Variants in ADAMTS17 observed in about 807,000 individuals in gnomAD.
The protein encoded by ADAMTS17 is A disintegrin and metalloproteinase with thrombospondin motifs 17.
In ADAMTS17, 113 loss-of-function variants were observed where a neutral mutation model predicts 141.5. The ratio of observed to expected loss-of-function variants is 0.80; its 90% CI spans 0.69 to 0.93. The LOEUF is 0.93. Ranked by LOEUF, ADAMTS17 falls within the 40% of genes least tolerant of loss-of-function variation. The probability of loss-of-function intolerance (pLI) is 0.00; values close to 1 mark genes in which losing one functional copy is unlikely to be tolerated. For missense variants in ADAMTS17, 1,659 were observed against 1,517.9 expected (o/e 1.09, Z -1.54); for synonymous variants, 768 against 630.6 (o/e 1.22, Z -3.27).
chr15:100,310,864 A>G (rs2045381230), intron 3 of ADAMTS17, among the ~76,000 whole-genome samples: 1 of 152,196 alleles, frequency 6.6e-6, no homozygotes, highest in Non-Finnish European at 1.5e-5. Flanking sequence ...AACCCCATAC[A>G]GGTTCCAGCA....
chr15:100,114,010 A>T (rs940665307), intron 13 of ADAMTS17, among the ~76,000 whole-genome samples: 1 of 152,230 alleles, frequency 6.6e-6, no homozygotes, highest in African/African-American at 2.4e-5. Context: ...TGGGTTTGGC[A>T]GTGGGCCATC....
At chr15:100,069,808 A>G (rs962647116) in intron 15 of ADAMTS17, among the ~76,000 whole-genome samples, 2 of 150,640 alleles carry the variant, frequency 1.3e-5, no homozygotes, top group South Asian at 2.1e-4. Context: ...TGTAAAGACC[A>G]TCAAGGCTAG....
intron 18 of ADAMTS17, among the ~76,000 whole-genome samples, chr15:100,030,237 C>T (rs967126066): frequency 2.0e-5 from 3 of 152,202 alleles, no homozygotes; most frequent in Admixed American, 6.5e-5. Flanking sequence ...AAGGAAAACA[C>T]GACTGAGCCA....
intron 8 of ADAMTS17, among the ~76,000 whole-genome samples, chr15:100,192,610 G>A (rs967642553): frequency 2.6e-5 from 4 of 152,218 alleles, no homozygotes; most frequent in African/African-American, 9.7e-5. Context: ...TGAGGCAAGA[G>A]CAGCCACCAC....
At chr15:100,146,664 G>A (rs1168262219) in intron 10 of ADAMTS17, among the ~76,000 whole-genome samples, 1 of 62,534 alleles carries the variant, frequency 1.6e-5, no homozygotes, top group Non-Finnish European at 4.2e-5. Context: ...GGTGAGCCAG[G>A]CGGAACAGAG....
chr15:100,029,425 A>G (rs2029909252), intron 18 of ADAMTS17, among the ~76,000 whole-genome samples: 1 of 152,192 alleles, frequency 6.6e-6, no homozygotes, highest in Admixed American at 6.5e-5. Context: ...AGTCAGGGTG[A>G]TGAGTCCTTT....
intron 7 of ADAMTS17, among the ~76,000 whole-genome samples, chr15:100,243,789 T>TAAAAAAAAAAAAAAA (rs547134930): frequency 1.1e-5 from 1 of 93,466 alleles, no homozygotes; most frequent in Admixed American, 1.2e-4. Flanking sequence ...GACTCCATCT[T>TAAAAAAAAAAAAAAA]AAAAAAAAAA....
At chr15:100,178,652 T>C (rs1269307350) in intron 8 of ADAMTS17, among the ~76,000 whole-genome samples, 1 of 152,232 alleles carries the variant, frequency 6.6e-6, no homozygotes, top group Non-Finnish European at 1.5e-5. Flanking sequence ...GTTGTTCTTT[T>C]ACCCATTCTG....
intron 7 of ADAMTS17, among the ~76,000 whole-genome samples, chr15:100,206,344 A>G (rs2041559324): frequency 6.6e-6 from 1 of 152,304 alleles, no homozygotes; most frequent in Admixed American, 6.5e-5. Context: ...GTACGTCTGT[A>G]GACATGGGCA....
In ADAMTS17 at chr15:100,254,138, A is replaced by G; in HGVS notation, c.1073T>C (p.Val358Ala). Residue 358 changes from valine to alanine, a missense_variant and splice_region_variant, in exon 7 of 22, where the codon GTT (valine) becomes GCT (alanine). Val to Ala is a moderately conservative substitution (Grantham distance 64, BLOSUM62 0). Transcript: ENST00000268070. ...TATTATTTCAACTCTAAACTTACCAACAGTGTCACACGGTTCATCCTTGTG... is the reference window on the plus strand; with the variant it reads ...TATTATTTCAACTCTAAACTTACCAGCAGTGTCACACGGTTCATCCTTGTG... The part of the protein sequence containing the change: ...CVHKDEPCDT[V>A]GIAYLGGVCS... The G allele has an allele frequency of 2.5e-6, 4 of 1,613,324 alleles. No individual in the cohort carries two copies. Among genetic ancestry groups the G allele is most frequent in the Non-Finnish European group, 3.4e-6 (4 of 1,179,282 alleles).
intron 3 of ADAMTS17, chr15:100,306,468 C>T (rs897388205): frequency 2.2e-6 from 1 of 455,914 alleles, no homozygotes; most frequent in African/African-American, 2.0e-5. Flanking sequence ...CGTTGTTGTC[C>T]TTGTCTTCAA....
intron 15 of ADAMTS17, chr15:100,063,849 GC>G: frequency 3.3e-6 from 3 of 903,102 alleles, no homozygotes; most frequent in Non-Finnish European, 4.7e-6. Context: ...TAGCTACCAA[GC>G]CCCCCACAGT....
rs143895789 is a variant in ADAMTS17 at position 100,174,764 on chromosome 15, G to C, written c.1182-19444C>G. The stretch of plus-strand genomic sequence containing the variant: ...TTGGCTCAAAGCAACGTTCATGTTA[G>C]GAGGATGGAATGTGGTTTCAAGCAA... On this transcript the variant is annotated intron_variant, in intron 8 of 21. Transcript: ENST00000268070. 3.7e-3 allele frequency among the ~76,000 whole-genome samples: 563 copies of C among 152,276 alleles called. 3 individuals carry two copies. The highest frequency in any genetic ancestry group is 0.012 in the African/African-American group (516 of 41,550).
intron 15 of ADAMTS17, among the ~76,000 whole-genome samples, chr15:100,084,002 A>G (rs1375192751): frequency 6.6e-6 from 1 of 152,048 alleles, no homozygotes. Flanking sequence ...GGTGCAGGAC[A>G]GTGGGTGCAG....
chr15:100,187,177 T>C (rs1002871502), intron 8 of ADAMTS17, among the ~76,000 whole-genome samples: 16 of 152,302 alleles, frequency 1.1e-4, no homozygotes, highest in Middle Eastern at 3.4e-3. Flanking sequence ...TGCTGGGCCA[T>C]TGAGACGGAG....
At chr15:100,093,249 C>T (rs181841258) in intron 15 of ADAMTS17, among the ~76,000 whole-genome samples, 6 of 152,210 alleles carry the variant, frequency 3.9e-5, no homozygotes, top group East Asian at 1.9e-4. Flanking sequence ...CACTTCGCCA[C>T]GTGTGGGTCT....
chr15:100,183,829 T>TTAGTG (rs1275382360), intron 8 of ADAMTS17, among the ~76,000 whole-genome samples: 1 of 152,208 alleles, frequency 6.6e-6, no homozygotes, highest in African/African-American at 2.4e-5. Context: ...CAATGACAGT[T>TTAGTG]TAGTTTTCAG....
At chr15:100,331,973 A>G (rs1014228843) in intron 2 of ADAMTS17, among the ~76,000 whole-genome samples, 8 of 115,752 alleles carry the variant, frequency 6.9e-5, no homozygotes, top group African/African-American at 2.8e-4. Flanking sequence ...GCCAAATGAG[A>G]TAGACCCCAG....
chr15:100,152,798 T>C (rs1302636794), intron 9 of ADAMTS17, 36 bp from the exon 10 acceptor site: 1 of 1,612,948 alleles, frequency 6.2e-7, no homozygotes, highest in African/African-American at 1.3e-5. Context: ...CTTGCAAATG[T>C]ACTGCCTAGG....
Sources: allele counts gnomAD v4.1 joint callset (sites outside exome capture counted in the v4.1 genomes callset), GRCh38; gene constraint gnomAD v4.1.1; transcripts MANE v1.5; gene names NCBI Gene and HGNC (gene_info 2026-07-23, HGNC 2026-07-21).